The following ABCD2 variants were observed in gnomAD, a reference collection of about 807,000 sequenced individuals.
ABCD2 encodes the protein ATP-binding cassette sub-family D member 2.
Under a neutral mutation model 70.9 loss-of-function variants are expected in ABCD2, and 36 were observed. That is an observed-to-expected ratio of 0.51 (90% CI 0.39 to 0.67). The LOEUF (loss-of-function observed/expected upper bound fraction) is 0.67, where lower values mean the gene tolerates loss of function less well. ABCD2 is among the 30% of genes least tolerant of loss of function. The pLI is 0.00. For synonymous variants in ABCD2, 304 were observed against 306.9 expected, an observed-to-expected ratio of 0.99 and a Z score of 0.10; for missense variants, 729 against 890.2, an observed-to-expected ratio of 0.82 and a Z score of 2.30.
At chr12:39,616,026 A>G (rs1005823058) in intron 2 of ABCD2, among the ~76,000 whole-genome samples, 1 of 152,064 alleles carries the variant, frequency 6.6e-6, no homozygotes, top group Non-Finnish European at 1.5e-5. Flanking sequence ...TCATTTTACA[A>G]ATGAGGAAAC....
Position 39,619,634 on chromosome 12 carries a change from C to G in ABCD2, c.-19G>C, listed in dbSNP as rs759810496. Reference sequence around the variant, plus strand: ...GTGTCATTTTCCCAGTTACCCAAACCGGCTTCCAAAAGAATTCGTTTTAAA... The same window carrying G: ...GTGTCATTTTCCCAGTTACCCAAACGGGCTTCCAAAAGAATTCGTTTTAAA... On this transcript the variant is annotated 5_prime_UTR_variant, in exon 1 of 10. Transcript: ENST00000308666. 2.9e-5 allele frequency: 46 copies of G among 1,589,602 alleles called. No homozygotes were observed. Among genetic ancestry groups the G allele is most frequent in the Non-Finnish European group, 3.2e-5 (38 of 1,171,742 alleles).
At chr12:39,618,585 G>C in intron 1 of ABCD2, 92 bp downstream of exon 1, 1 of 1,120,280 alleles carries the variant, frequency 8.9e-7, no homozygotes, top group Non-Finnish European at 1.3e-6. Flanking sequence ...TAAAGAAGTG[G>C]GTCCATCGAC....
the ABCD2 span, among the ~76,000 whole-genome samples, chr12:39,534,043 G>GA: frequency 6.6e-6 from 1 of 151,378 alleles, no homozygotes; most frequent in African/African-American, 2.4e-5. Flanking sequence ...TAGTATTACT[G>GA]TTTTTTTTTC....
intron 7 of ABCD2, among the ~76,000 whole-genome samples, chr12:39,585,215 T>G (rs1042488986): frequency 3.9e-5 from 6 of 152,184 alleles, no homozygotes; most frequent in African/African-American, 1.4e-4. Context: ...GTAATTCCCA[T>G]TGTAGAGATC....
In ABCD2 at chr12:39,618,909, A is replaced by G; in HGVS notation, c.707T>C (p.Met236Thr). Residue 236 changes from methionine (M) to threonine (T), a missense_variant, in exon 1 of 10, where the codon ATG (methionine) becomes ACG (threonine). Physicochemically the swap from Met to Thr is moderately conservative, Grantham distance 81. Transcript: ENST00000308666. Reference protein sequence around the residue: ...SNLTKPILDVMLTSYTLIQTA... With the variant: ...SNLTKPILDVTLTSYTLIQTA... ...TTGAATGAGTGTATAGGAGGTCAGCATTACATCTAAAATAGGTTTGGTCAG... is the reference window on the plus strand; with the variant it reads ...TTGAATGAGTGTATAGGAGGTCAGCGTTACATCTAAAATAGGTTTGGTCAG... The G allele has an allele frequency of 1.2e-6, 2 of 1,614,222 alleles. 1 individual carries two copies. The highest frequency in any genetic ancestry group is 2.2e-5 in the South Asian group (2 of 91,084).
At chr12:39,604,088 G>C in intron 4 of ABCD2, 82 bp from the exon 5 acceptor site, 1 of 888,058 alleles carries the variant, frequency 1.1e-6, no homozygotes, top group Non-Finnish European at 1.7e-6. Context: ...CAGTATAACA[G>C]GTAATTTCAA....
At chr12:39,537,895 A>G in the ABCD2 span, among the ~76,000 whole-genome samples, 1 of 152,254 alleles carries the variant, frequency 6.6e-6, no homozygotes, top group Non-Finnish European at 1.5e-5. Flanking sequence ...GTTGCTATCA[A>G]TAAGAAAGTA....
chr12:39,610,310 G>T (rs1254243271), intron 2 of ABCD2, among the ~76,000 whole-genome samples: 1 of 152,062 alleles, frequency 6.6e-6, no homozygotes, highest in Non-Finnish European at 1.5e-5. Flanking sequence ...CTCCTCTAGA[G>T]AACTACTGTT....
chr12:39,580,218 G>C (rs1051871252), intron 7 of ABCD2, among the ~76,000 whole-genome samples: 3 of 152,152 alleles, frequency 2.0e-5, no homozygotes, highest in African/African-American at 7.2e-5. Flanking sequence ...TGGGACTACA[G>C]GTGTGAGCTG....
At chr12:39,604,082 A>T in intron 4 of ABCD2, 76 bp from the exon 5 acceptor site, 1 of 922,274 alleles carries the variant, frequency 1.1e-6, no homozygotes, top group Non-Finnish European at 1.7e-6. Flanking sequence ...ATTATGCAGT[A>T]TAACAGGTAA....
At chr12:39,595,040 T>G (rs970501073) in intron 6 of ABCD2, among the ~76,000 whole-genome samples, 11 of 151,966 alleles carry the variant, frequency 7.2e-5, no homozygotes, top group African/African-American at 2.7e-4. Flanking sequence ...CACTCCAGCC[T>G]GGGTGACAGA....
intron 9 of ABCD2, among the ~76,000 whole-genome samples, chr12:39,567,509 T>G (rs1263844155): frequency 6.6e-6 from 1 of 152,222 alleles, no homozygotes; most frequent in Non-Finnish European, 1.5e-5. Flanking sequence ...CCCTTTATTT[T>G]GAGCCTATGT....
At position 39,551,124 on chromosome 12, in the gene ABCD2, C is replaced by T. The variant is rs1941081520; in HGVS notation, c.*2788G>A. The T allele has an allele frequency of 6.6e-6, 1 of 151,566 alleles. No homozygotes were observed. Among genetic ancestry groups the T allele is most frequent in the South Asian group, 2.1e-4 (1 of 4,822 alleles). The allele number at this position is 151,566 out of a possible 1,614,324, so 9.4% of individuals were successfully genotyped here. ...TGAGATTATTTCAGAGGGATTATTA[C>T]ACATTATCCTGCTTACAAGAACACA... On this transcript the variant is annotated 3_prime_UTR_variant, in exon 10 of 10. Transcript: ENST00000308666.
intron 6 of ABCD2, among the ~76,000 whole-genome samples, chr12:39,599,493 A>C (rs545183462): frequency 1.3e-5 from 2 of 152,206 alleles, no homozygotes; most frequent in Non-Finnish European, 2.9e-5. Context: ...GGTGTCACAA[A>C]ATGTTATCTA....
At chr12:39,571,329 CA>C (rs1239559966) in intron 9 of ABCD2, among the ~76,000 whole-genome samples, 6 of 151,958 alleles carry the variant, frequency 3.9e-5, no homozygotes, top group Admixed American at 3.9e-4. Context: ...TAGTGTCCAT[CA>C]ATGGATGAAA....
At chr12:39,555,017 G>C (rs1236372416) in intron 9 of ABCD2, among the ~76,000 whole-genome samples, 1 of 151,982 alleles carries the variant, frequency 6.6e-6, no homozygotes, top group African/African-American at 2.4e-5. Context: ...TTTTCAAGCA[G>C]TTTCCTCCTG....
chr12:39,612,184 T>A (rs1485619902), intron 2 of ABCD2, among the ~76,000 whole-genome samples: 3 of 152,210 alleles, frequency 2.0e-5, no homozygotes, highest in Admixed American at 6.5e-5. Flanking sequence ...CTGCTAAAGC[T>A]GAACCTATGC....
rs192620060 is a variant in ABCD2 at position 39,561,707 on chromosome 12, A to G, written c.2004-7576T>C. Among the ~76,000 whole-genome samples, 89 of 152,188 alleles carry G rather than the reference A, an allele frequency of 5.8e-4. 1 individual carries two copies. The highest frequency in any genetic ancestry group is 5.1e-3 in the Admixed American group (78 of 15,266). ...ATCAGAGCACATATATAAATCAAAT[A>G]CTCCTAGATCTGAAAGAAGTGAACT... On this transcript the variant is annotated intron_variant, in intron 9 of 9. Transcript: ENST00000308666.
chr12:39,563,874 G>C (rs974731745), intron 9 of ABCD2, among the ~76,000 whole-genome samples: 1 of 152,122 alleles, frequency 6.6e-6, no homozygotes, highest in Non-Finnish European at 1.5e-5. Context: ...AGAACATGTG[G>C]TGTTTGGTTT....
Sources: allele counts gnomAD v4.1 joint callset (sites outside exome capture counted in the v4.1 genomes callset), GRCh38; gene constraint gnomAD v4.1.1; transcripts MANE v1.5; gene names NCBI Gene and HGNC (gene_info 2026-07-23, HGNC 2026-07-21).